The following COG7 variants were observed in gnomAD, a reference collection of about 807,000 sequenced individuals.
The protein encoded by COG7 is conserved oligomeric Golgi complex subunit 7.
Under a neutral mutation model 91.5 loss-of-function variants are expected in COG7, and 49 were observed. The observed-to-expected ratio is 0.54, with a 90% CI of 0.43 to 0.68. The LOEUF (loss-of-function observed/expected upper bound fraction) is 0.68. COG7 is among the 30% of genes least tolerant of loss of function. The probability of loss-of-function intolerance (pLI) is 0.00; values close to 1 mark genes in which losing one functional copy is unlikely to be tolerated. For synonymous variants in COG7, 365 were observed against 388.7 expected (o/e 0.94, Z 0.72); for missense variants, 895 against 961.3 (o/e 0.93, Z 0.91).
intron 11 of COG7, among the ~76,000 whole-genome samples, chr16:23,409,246 C>T (rs992246472): frequency 6.6e-6 from 1 of 152,064 alleles, no homozygotes; most frequent in Non-Finnish European, 1.5e-5. Context: ...CGCGCTGGGC[C>T]GCTCCAGTGA....
intron 12 of COG7, 63 bp from the exon 13 acceptor site, chr16:23,403,897 T>C: frequency 1.9e-6 from 3 of 1,604,248 alleles, no homozygotes; most frequent in Non-Finnish European, 2.6e-6. Context: ...TATTAGCTAG[T>C]TAACCATTTT....
At position 23,419,411 on chromosome 16, in the gene COG7, C is replaced by CAA. The variant is rs762261311; in HGVS notation, c.1010-586_1010-585dup. Among the ~76,000 whole-genome samples the CAA allele has an allele frequency of 2.3e-3, 260 of 113,830 alleles. 2 individuals are homozygous for CAA. The highest frequency in any genetic ancestry group is 0.016 in the Admixed American group (168 of 10,782). The allele number at this position is 113,830 out of a possible 152,430, so 74.7% of individuals were successfully genotyped here. ...GGGCAACAAGAGCGAGACTCCATCTCAAAAAAAAAAAAAAAGATAACCCTC... is the reference window on the plus strand; with the variant it reads ...GGGCAACAAGAGCGAGACTCCATCTCAAAAAAAAAAAAAAAAAGATAACCCTC... On this transcript the variant is annotated intron_variant, in intron 7 of 16. Coordinates refer to ENST00000307149, the MANE Select transcript of COG7 (RefSeq NM_153603.4).
At chr16:23,413,631 A>AGGCCGGGCGCGGTGGCTCACGCCTGT in intron 9 of COG7, 67 bp from the exon 10 acceptor site, 1 of 883,904 alleles carries the variant, frequency 1.1e-6, no homozygotes, top group Admixed American at 1.7e-5. Flanking sequence ...AGAGACCTGG[A>AGGCCGGGCGCGGTGGCTCACGCCTGT]ATTCTACAGC....
intron 1 of COG7, among the ~76,000 whole-genome samples, chr16:23,451,390 T>C (rs1964263028): frequency 6.6e-6 from 1 of 152,086 alleles, no homozygotes; most frequent in Non-Finnish European, 1.5e-5. Context: ...TGCCAGTGCA[T>C]GTTATTTTTT....
chr16:23,417,178 T>C lies in COG7; in HGVS notation c.1138-57A>G, dbSNP rs890765533. 19 of 1,577,050 alleles carry C rather than the reference T, an allele frequency of 1.2e-5. No individual in the cohort carries two copies. In the African/African-American group the frequency reaches 2.2e-4, roughly 18 times the overall value. On this transcript the variant is annotated intron_variant, in intron 8 of 16. Transcript: ENST00000307149. The stretch of plus-strand genomic sequence containing the variant: ...GGCTTTAGAACAGACAATGCTGAGA[T>C]AGGGGAAGACCTCCAAGCCTTCTCA...
intron 6 of COG7, among the ~76,000 whole-genome samples, chr16:23,428,602 T>G (rs983867372): frequency 6.6e-6 from 1 of 151,864 alleles, no homozygotes; most frequent in East Asian, 1.9e-4. Context: ...ACACCTAATT[T>G]TGGCAAGGAT....
At chr16:23,391,821 CA>C (rs1394650880) in intron 16 of COG7, 2 of 223,384 alleles carry the variant, frequency 9.0e-6, no homozygotes, top group Non-Finnish European at 1.7e-5. Context: ...CAGGCAGGAG[CA>C]AAGGGGACAC....
At chr16:23,389,931 G>C (rs1044861507) in intron 16 of COG7, 1 of 152,196 alleles carries the variant, frequency 6.6e-6, no homozygotes, top group Admixed American at 6.5e-5. Context: ...CCTCAGAGAA[G>C]CCCTTCTACC....
At chr16:23,398,173 G>A (rs1463743618) in intron 13 of COG7, 44 bp from the exon 14 acceptor site, 2 of 1,539,806 alleles carry the variant, frequency 1.3e-6, no homozygotes, top group Non-Finnish European at 9.0e-7. Context: ...TAGCAGCCAG[G>A]CAGCTGTGAA....
chr16:23,439,461 TAAATGTCCATCAACAGATGA>T (rs1964066812), intron 4 of COG7, among the ~76,000 whole-genome samples: 1 of 152,184 alleles, frequency 6.6e-6, no homozygotes, highest in Non-Finnish European at 1.5e-5. Flanking sequence ...AGAAATAACC[TAAATGTCCATCAACAGATGA>T]ATAGATAGAG....
At chr16:23,423,865 C>T (rs764151782) in intron 7 of COG7, among the ~76,000 whole-genome samples, 8 of 152,162 alleles carry the variant, frequency 5.3e-5, no homozygotes, top group Non-Finnish European at 1.0e-4. Context: ...GAGAGCATCA[C>T]ACACCAGGCA....
At chr16:23,420,800 G>A (rs570252168) in intron 7 of COG7, among the ~76,000 whole-genome samples, 1 of 151,962 alleles carries the variant, frequency 6.6e-6, no homozygotes, top group African/African-American at 2.4e-5. Context: ...CTAAGGTGCA[G>A]TGGTCCAACC....
intron 16 of COG7, among the ~76,000 whole-genome samples, chr16:23,390,829 C>T (rs925129330): frequency 6.6e-6 from 1 of 152,250 alleles, no homozygotes; most frequent in Non-Finnish European, 1.5e-5. Context: ...AGCTGCTTCC[C>T]AGCAAAGGTG....
chr16:23,409,385 C>A (rs1476514884), intron 11 of COG7, among the ~76,000 whole-genome samples: 1 of 152,170 alleles, frequency 6.6e-6, no homozygotes, highest in African/African-American at 2.4e-5. Flanking sequence ...TCATCCTGGG[C>A]AGCTTGGGCC....
At chr16:23,451,557 A>T (rs909958947) in intron 1 of COG7, among the ~76,000 whole-genome samples, 3 of 148,210 alleles carry the variant, frequency 2.0e-5, no homozygotes, top group South Asian at 2.1e-4. Context: ...CTAAAAAAAA[A>T]TTTTTTTTTT....
chr16:23,417,173 T>C (rs781344055), intron 8 of COG7, 52 bp from the exon 9 acceptor site: 2 of 1,589,008 alleles, frequency 1.3e-6, no homozygotes, highest in Non-Finnish European at 1.7e-6. Context: ...CAGACAATGC[T>C]GAGATAGGGG....
intron 6 of COG7, among the ~76,000 whole-genome samples, chr16:23,426,462 G>A (rs2142082493): frequency 6.6e-6 from 1 of 152,112 alleles, no homozygotes; most frequent in East Asian, 1.9e-4. Flanking sequence ...CAAAACAGGA[G>A]GATCACTTGA....
In COG7 at chr16:23,408,925, G is replaced by A. The variant is rs1963513650; in HGVS notation, c.1475+1370C>T. ...TGCAGCCCAGAGAGGCTGAAAGCCT[G>A]GCTGAGCTTCAAGTCAAGAACAGCC... On this transcript the variant is annotated intron_variant, in intron 11 of 16. Coordinates refer to ENST00000307149, the MANE Select transcript of COG7 (RefSeq NM_153603.4). Among the ~76,000 whole-genome samples, 2 of 151,832 alleles carry A rather than the reference G, an allele frequency of 1.3e-5. 1 individual carries two copies. Among genetic ancestry groups the A allele is most frequent in the Admixed American group, 1.3e-4 (2 of 15,256 alleles).
intron 6 of COG7, among the ~76,000 whole-genome samples, chr16:23,427,028 C>T (rs1453673175): frequency 2.0e-5 from 3 of 151,924 alleles, no homozygotes; most frequent in Admixed American, 6.6e-5. Context: ...GTGGGAGGAT[C>T]GCTTGAGCCT....
Sources: allele counts gnomAD v4.1 joint callset (sites outside exome capture counted in the v4.1 genomes callset), GRCh38; gene constraint gnomAD v4.1.1; transcripts MANE v1.5; gene names NCBI Gene and HGNC (gene_info 2026-07-23, HGNC 2026-07-21).